The following PTPN18 variants were observed in gnomAD, a reference collection of about 807,000 sequenced individuals.
PTPN18 encodes the protein protein tyrosine phosphatase non-receptor type 18.
Under a neutral mutation model 65.4 loss-of-function variants are expected in PTPN18, and 65 were observed. The ratio of observed to expected loss-of-function variants is 0.99; its 90% CI spans 0.81 to 1.22. PTPN18 has a LOEUF of 1.22. PTPN18 is among the 50% of genes most tolerant of loss of function. The pLI is 0.00. For missense variants in PTPN18, 616 were observed against 646.5 expected (o/e 0.95, Z 0.51); for synonymous variants, 255 against 267.8 (o/e 0.95, Z 0.47).
rs57039741 is a variant in PTPN18 at position 130,367,050 on chromosome 2, ATTTTTTTTTT to A, written c.415-2064_415-2055del. ...TTGCCAACACACCTAGCTAATTTTAATTTTTTTTTTTTTTTTTTTTTTTTTTTTAAGATAC... is the reference window on the plus strand; with the variant it reads ...TTGCCAACACACCTAGCTAATTTTAATTTTTTTTTTTTTTTTTTAAGATAC... On this transcript the variant is annotated intron_variant, in intron 5 of 14. Coordinates refer to ENST00000175756, the MANE Select transcript of PTPN18 (RefSeq NM_014369.4). Among the ~76,000 whole-genome samples the A allele has an allele frequency of 1.0e-2, 1,038 of 104,218 alleles. 11 individuals carry two copies. The highest frequency in any genetic ancestry group is 0.034 in the African/African-American group (937 of 27,850). 68.4% of individuals were successfully genotyped at this position (104,218 alleles called of 152,430 possible).
At chr2:130,357,001 GGCAACACAGCGAAACCCCGTCTC>G (rs1679995675) in intron 1 of PTPN18, among the ~76,000 whole-genome samples, 1 of 152,094 alleles carries the variant, frequency 6.6e-6, no homozygotes, top group Non-Finnish European at 1.5e-5. Context: ...GACCAGCCTG[GGCAACACAGCGAAACCCCGTCTC>G]TACTAAAAAT....
intron 11 of PTPN18, 94 bp downstream of exon 11, chr2:130,371,058 C>T (rs1680548881): frequency 7.1e-7 from 1 of 1,409,816 alleles, no homozygotes; most frequent in African/African-American, 1.4e-5. Context: ...CTACTGGGAG[C>T]AGGCACTGAC....
rs1241397721 is a variant in PTPN18, at chr2:130,359,405, T to C, written c.288T>C (p.Asp96=). ...AATTCGGCCTTCACCAGGGCGTGGA[T>C]GGAAGCCTGGCCTACATTGCCACGC... ...YINGNFIRGV[D]GSLAYIATQG... The change falls in exon 4 of 15, where the codon GAT becomes GAC. Residue 96 remains aspartate (D), a synonymous_variant. Transcript: ENST00000175756. 2 of 1,614,042 alleles carry C rather than the reference T, an allele frequency of 1.2e-6. No individual in the cohort carries two copies. Among genetic ancestry groups the C allele is most frequent in the Non-Finnish European group, 1.7e-6 (2 of 1,180,032 alleles).
intron 5 of PTPN18, chr2:130,362,401 C>T: frequency 8.0e-6 from 2 of 250,484 alleles, no homozygotes; most frequent in Non-Finnish European, 1.6e-5. Flanking sequence ...TCTGTTTGTT[C>T]TTTTCTTCTT....
intron 5 of PTPN18, among the ~76,000 whole-genome samples, chr2:130,361,222 A>T (rs543003374): frequency 6.6e-6 from 1 of 152,228 alleles, no homozygotes; most frequent in Non-Finnish European, 1.5e-5. Flanking sequence ...ATAAGTATTA[A>T]TTAGGTCAAG....
At position 130,359,238 on chromosome 2, in the gene PTPN18, C is replaced by T; in HGVS notation, c.208C>T (p.Gln70Ter). 4.3e-6 allele frequency: 7 copies of T among 1,614,032 alleles called. No homozygotes were observed. The highest frequency in any genetic ancestry group is 5.9e-6 in the Non-Finnish European group (7 of 1,180,034). ...NRYKDVLPYD[Q>*]TRVILSLLQE... ...CTCACCTTATCTGCTGACAGATGAT[C>T]AGACGCGAGTAATCCTCTCCCTGCT... The change falls in exon 3 of 15, where the codon CAG (glutamine) becomes TAG (stop). Residue 70 changes from glutamine to a stop codon, truncating the protein, a stop_gained. Transcript: ENST00000175756. LOFTEE classifies it high-confidence loss of function.
In PTPN18 at chr2:130,366,661, A is replaced by G. The variant is rs1680393779; in HGVS notation, c.415-2472A>G. The stretch of plus-strand genomic sequence containing the variant: ...TCAGTTTTTTGCAAGAGTTTGTGAA[A>G]GGCTGGTATTAATTCCTCTTTGTTT... On this transcript the variant is annotated intron_variant, in intron 5 of 14. Transcript: ENST00000175756. Among the ~76,000 whole-genome samples the G allele has an allele frequency of 2.0e-5, 3 of 152,304 alleles. 1 individual carries two copies. The South Asian group carries it at 6.2e-4, about 32-fold the overall frequency.
At chr2:130,357,062 G>A (rs1172198816) in intron 1 of PTPN18, among the ~76,000 whole-genome samples, 1 of 152,188 alleles carries the variant, frequency 6.6e-6, no homozygotes, top group East Asian at 1.9e-4. Context: ...ATGGGCGCAT[G>A]CCTGTAATCC....
chr2:130,369,907 C>A, intron 7 of PTPN18, 80 bp downstream of exon 7: 2 of 1,535,240 alleles, frequency 1.3e-6, no homozygotes, highest in Non-Finnish European at 1.8e-6. Context: ...GGGCATCATA[C>A]TAGTACCCAC....
intron 1 of PTPN18, among the ~76,000 whole-genome samples, chr2:130,358,097 G>A (rs901857099): frequency 7.9e-5 from 12 of 152,194 alleles, no homozygotes; most frequent in East Asian, 1.9e-4. Context: ...GCTGGGTGGC[G>A]AGGGCACCCC....
At chr2:130,359,711 T>C (rs1239900197) in intron 5 of PTPN18, 65 bp downstream of exon 5, 2 of 1,566,558 alleles carry the variant, frequency 1.3e-6, no homozygotes, top group Non-Finnish European at 1.8e-6. Flanking sequence ...TCTTGCTAGC[T>C]CCTCCTTGAC....
rs1338655948 is a variant in PTPN18, at chr2:130,372,542, C to T, written c.1240+59C>T. 4 of 1,402,518 alleles carry T rather than the reference C, an allele frequency of 2.9e-6. No individual in the cohort carries two copies. The African/African-American group carries it at 4.5e-5, about 16-fold the overall frequency. 86.9% of individuals were successfully genotyped at this position (1,402,518 alleles called of 1,614,324 possible). On this transcript the variant is annotated intron_variant, in intron 13 of 14. Transcript: ENST00000175756. The stretch of plus-strand genomic sequence containing the variant: ...TCCTGCTGTGATCCGCAGGGCGGAA[C>T]CATCCTGCAGTGGTCCGTCAGGCCC...
In PTPN18 at chr2:130,371,267, C is replaced by G; in HGVS notation, c.993C>G (p.Arg331=). The G allele has an allele frequency of 1.2e-6, 2 of 1,606,024 alleles. No homozygotes were observed. Among genetic ancestry groups the G allele is most frequent in the Non-Finnish European group, 8.5e-7 (1 of 1,175,914 alleles). Residue 331 remains arginine (R), a synonymous_variant, in exon 12 of 15, where the codon CGC becomes CGG. Transcript: ENST00000175756. The part of the protein sequence containing the change: ...RTPQALLAIP[R]PPGGVLRSIS... ...CCCAGGCACTTCTCGCCATACCCCG[C>G]CCACCAGGAGGGGTCCTCAGGTACC...
intron 1 of PTPN18, among the ~76,000 whole-genome samples, chr2:130,357,480 A>G (rs1370065704): frequency 6.6e-6 from 1 of 152,264 alleles, no homozygotes; most frequent in Non-Finnish European, 1.5e-5. Flanking sequence ...ACTGCATAAA[A>G]CAATACAACA....
At position 130,359,653 on chromosome 2, in the gene PTPN18, G is replaced by T; in HGVS notation, c.414+7G>T. On this transcript the variant is annotated splice_region_variant and intron_variant, in intron 5 of 14. Transcript: ENST00000175756. ...AGAGATAGAGAATGGGCGGGTAGGT[G>T]CCCTCTGCCCCCAGGTTTCATGTCC... 1.2e-6 allele frequency: 2 copies of T among 1,613,728 alleles called. No homozygotes were observed. Among genetic ancestry groups the T allele is most frequent in the Non-Finnish European group, 1.7e-6 (2 of 1,179,630 alleles).
chr2:130,370,530 C>A lies in PTPN18; in HGVS notation c.690-27C>A, dbSNP rs762961419. The stretch of plus-strand genomic sequence containing the variant: ...AAAAGGGGTTGTGGTCAGGACCTGA[C>A]CAGGCACACTCTGATTCTCTTGTCA... On this transcript the variant is annotated intron_variant, in intron 8 of 14. Transcript: ENST00000175756. 6.8e-6 allele frequency: 11 copies of A among 1,613,902 alleles called. No homozygotes were observed. The African/African-American group carries it at 1.1e-4, about 16-fold the overall frequency.
intron 1 of PTPN18, among the ~76,000 whole-genome samples, chr2:130,358,054 C>A (rs145975660): frequency 3.9e-5 from 6 of 152,158 alleles, no homozygotes; most frequent in Non-Finnish European, 7.3e-5. Flanking sequence ...GGTTCTGAAC[C>A]GTGTACAGTG....
chr2:130,359,027 G>T, intron 2 of PTPN18, 52 bp downstream of exon 2: 1 of 1,578,018 alleles, frequency 6.3e-7, no homozygotes, highest in South Asian at 1.1e-5. Context: ...GCCCTGCCAC[G>T]TCCAGGCGTC....
At chr2:130,369,904 A>G in intron 7 of PTPN18, 77 bp downstream of exon 7, 1 of 1,537,584 alleles carries the variant, frequency 6.5e-7, no homozygotes, top group Non-Finnish European at 9.0e-7. Flanking sequence ...AATGGGCATC[A>G]TACTAGTACC....
Sources: allele counts gnomAD v4.1 joint callset (sites outside exome capture counted in the v4.1 genomes callset), GRCh38; gene constraint gnomAD v4.1.1; transcripts MANE v1.5; gene names NCBI Gene and HGNC (gene_info 2026-07-23, HGNC 2026-07-21).